TTC27: variants seen among roughly 807,000 people sequenced by gnomAD.
TTC27 encodes tetratricopeptide repeat domain 27, also known as tetratricopeptide repeat protein 27.
A neutral mutation model predicts 115.9 loss-of-function variants in TTC27; 79 were observed. The observed-to-expected ratio is 0.68, with a 90% CI of 0.57 to 0.82. The LOEUF (loss-of-function observed/expected upper bound fraction) is 0.82. Among genes scored for constraint, TTC27 ranks in the 40% least tolerant of loss-of-function variants. TTC27 has a pLI of 0.00. For synonymous variants in TTC27, 401 were observed against 356.0 expected (o/e 1.13, Z -1.42); for missense variants, 1,054 against 993.1 (o/e 1.06, Z -0.82).
At chr2:32,660,393 T>C (rs1356555810) in intron 5 of TTC27, among the ~76,000 whole-genome samples, 3 of 152,142 alleles carry the variant, frequency 2.0e-5, no homozygotes, top group African/African-American at 4.8e-5. Flanking sequence ...GTGGCACATA[T>C]ACACCATGGA....
intron 5 of TTC27, among the ~76,000 whole-genome samples, chr2:32,653,615 A>G (rs890003583): frequency 2.4e-4 from 36 of 151,888 alleles, no homozygotes; most frequent in Non-Finnish European, 4.9e-4. Context: ...AACAAAAAAA[A>G]AACAGTCTTT....
intron 9 of TTC27, among the ~76,000 whole-genome samples, chr2:32,701,190 G>A (rs918188846): frequency 6.6e-6 from 1 of 152,172 alleles, no homozygotes; most frequent in Non-Finnish European, 1.5e-5. Flanking sequence ...GGGAGTAGGT[G>A]CTCAAGTGAG....
At chr2:32,740,773 G>C (rs1668606900) in intron 12 of TTC27, among the ~76,000 whole-genome samples, 1 of 152,186 alleles carries the variant, frequency 6.6e-6, no homozygotes, top group Non-Finnish European at 1.5e-5. Context: ...TCTTGCCTCA[G>C]CCTCCCGAGT....
At chr2:32,796,196 A>G (rs1187174914) in intron 16 of TTC27, among the ~76,000 whole-genome samples, 1 of 152,238 alleles carries the variant, frequency 6.6e-6, no homozygotes, top group African/African-American at 2.4e-5. Flanking sequence ...TATGAAAACA[A>G]TTCCATTTAC....
intron 9 of TTC27, among the ~76,000 whole-genome samples, chr2:32,684,202 A>G (rs1371609090): frequency 2.6e-5 from 4 of 152,066 alleles, no homozygotes; most frequent in South Asian, 4.1e-4. Flanking sequence ...GCGATAGTTT[A>G]CTGAGAATGA....
At chr2:32,643,506 C>T (rs1664733766) in intron 4 of TTC27, among the ~76,000 whole-genome samples, 1 of 151,834 alleles carries the variant, frequency 6.6e-6, no homozygotes, top group Non-Finnish European at 1.5e-5. Context: ...TGGGATTTTA[C>T]TATGTTGGCC....
intron 12 of TTC27, among the ~76,000 whole-genome samples, chr2:32,739,311 G>A (rs1185998692): frequency 6.6e-6 from 1 of 152,094 alleles, no homozygotes; most frequent in Admixed American, 6.5e-5. Context: ...AAATAAGCAA[G>A]TTGGTAAATC....
At chr2:32,750,626 A>G (rs1308520325) in intron 12 of TTC27, among the ~76,000 whole-genome samples, 2 of 152,230 alleles carry the variant, frequency 1.3e-5, no homozygotes, top group African/African-American at 4.8e-5. Context: ...AGATTATTCC[A>G]TAGATTGTGT....
In TTC27 at chr2:32,736,824, ATAG is replaced by A. The variant is rs1356174827; in HGVS notation, c.1452+10_1452+12del. 1 of 1,613,010 alleles carries A rather than the reference ATAG, an allele frequency of 6.2e-7. No homozygotes were observed. Among genetic ancestry groups the A allele is most frequent in the African/African-American group, 1.3e-5 (1 of 74,916 alleles). On this transcript the variant is annotated intron_variant, in intron 12 of 19. Coordinates refer to ENST00000317907, the MANE Select transcript of TTC27 (RefSeq NM_017735.5). ...GCCGGGCAGCACGGAAAGGTATGTA[ATAG>A]TCCAATTTGATGTACTGGTGAGAGC...
chr2:32,812,524 G>T lies in TTC27; in HGVS notation c.2217G>T (p.Lys739Asn), dbSNP rs1671348175. Residue 739 changes from lysine to asparagine, a missense_variant, in exon 18 of 20, where the codon AAG becomes AAT. Physicochemically the swap from Lys to Asn is moderately conservative, Grantham distance 94. Transcript: ENST00000317907. Reference sequence around the variant, plus strand: ...CTCAGGCATTCCAGTGCCTCTCAAAGGCATACAAGTGTGACACCCAGTCCA... The same window carrying T: ...CTCAGGCATTCCAGTGCCTCTCAAATGCATACAAGTGTGACACCCAGTCCA... ...ENEKAFQCLS[K>N]AYKCDTQSNC... 1 of 1,613,752 alleles carries T rather than the reference G, an allele frequency of 6.2e-7. No individual in the cohort carries two copies. Among genetic ancestry groups the T allele is most frequent in the Non-Finnish European group, 8.5e-7 (1 of 1,179,738 alleles).
intron 9 of TTC27, among the ~76,000 whole-genome samples, chr2:32,696,244 G>C (rs1450126011): frequency 6.6e-6 from 1 of 151,312 alleles, no homozygotes; most frequent in Admixed American, 6.6e-5. Flanking sequence ...TTGATACTCT[G>C]TTGTTTCTAT....
At chr2:32,750,307 A>G (rs1305683881) in intron 12 of TTC27, among the ~76,000 whole-genome samples, 1 of 152,216 alleles carries the variant, frequency 6.6e-6, no homozygotes, top group Non-Finnish European at 1.5e-5. Context: ...AGTTGGAAGG[A>G]CAAGGTATAC....
At chr2:32,816,303 C>G (rs894270981) in intron 18 of TTC27, among the ~76,000 whole-genome samples, 1 of 150,288 alleles carries the variant, frequency 6.7e-6, no homozygotes, top group South Asian at 2.1e-4. Flanking sequence ...GGTGACAGAG[C>G]GAGACCTTGT....
chr2:32,744,700 G>T (rs1424584601), intron 12 of TTC27, among the ~76,000 whole-genome samples: 1 of 152,126 alleles, frequency 6.6e-6, no homozygotes, highest in Non-Finnish European at 1.5e-5. Context: ...AGTTTAGCTT[G>T]TTCATGGTCA....
chr2:32,748,626 TG>T (rs1323876991), intron 12 of TTC27, among the ~76,000 whole-genome samples: 3 of 152,222 alleles, frequency 2.0e-5, no homozygotes, highest in African/African-American at 7.2e-5. Flanking sequence ...TATTTGTGAT[TG>T]TTATATCTTT....
intron 10 of TTC27, among the ~76,000 whole-genome samples, chr2:32,730,626 T>TA (rs1008967036): frequency 2.0e-5 from 3 of 151,290 alleles, no homozygotes; most frequent in African/African-American, 7.3e-5. Context: ...TTCTTATTTT[T>TA]TTTTTTTTTT....
chr2:32,705,888 A>G (rs1353224356), intron 10 of TTC27, among the ~76,000 whole-genome samples: 1 of 152,066 alleles, frequency 6.6e-6, no homozygotes, highest in African/African-American at 2.4e-5. Flanking sequence ...AGCATTATGT[A>G]TTGCCAAGTG....
At chr2:32,663,952 G>A (rs1192887754) in intron 5 of TTC27, among the ~76,000 whole-genome samples, 1 of 151,970 alleles carries the variant, frequency 6.6e-6, no homozygotes, top group Non-Finnish European at 1.5e-5. Context: ...CAAGGTACAG[G>A]GATTACAGGC....
intron 12 of TTC27, among the ~76,000 whole-genome samples, chr2:32,756,340 CT>C (rs1315388424): frequency 6.6e-6 from 1 of 152,174 alleles, no homozygotes; most frequent in Non-Finnish European, 1.5e-5. Flanking sequence ...GAATACATCT[CT>C]TTATAGGTGA....
Sources: gnomAD v4.1 joint callset for allele counts (sites outside exome capture counted in the v4.1 genomes callset) on GRCh38, gnomAD v4.1.1 for gene constraint, MANE v1.5 for transcripts, NCBI Gene and HGNC (gene_info 2026-07-23, HGNC 2026-07-21) for gene names.